The following SPATA2 variants were observed in gnomAD, a reference collection of about 807,000 sequenced individuals.
The protein encoded by SPATA2 is spermatogenesis-associated protein 2.
In SPATA2, 8 loss-of-function variants were observed where a neutral mutation model predicts 35.4. The observed-to-expected ratio is 0.23, with a 90% CI of 0.13 to 0.41. The LOEUF (loss-of-function observed/expected upper bound fraction) is 0.41. Among genes scored for constraint, SPATA2 ranks in the 10% least tolerant of loss-of-function variants. SPATA2 has a pLI of 1.00. For missense variants in SPATA2, 650 were observed against 698.7 expected (o/e 0.93, Z 0.79); for synonymous variants, 293 against 300.9 (o/e 0.97, Z 0.27).
chr20:49,910,577 TGA>T (rs2090177356), intron 1 of SPATA2, among the ~76,000 whole-genome samples: 1 of 152,130 alleles, frequency 6.6e-6, no homozygotes. Context: ...TCATGTCTGC[TGA>T]GTGTGGGAGA....
chr20:49,914,620 TCA>T (rs1568910375), intron 1 of SPATA2, among the ~76,000 whole-genome samples: 3 of 152,000 alleles, frequency 2.0e-5, no homozygotes, highest in East Asian at 1.9e-4. Flanking sequence ...CCAAAGAAAT[TCA>T]CACAGAGTCC....
At position 49,906,727 on chromosome 20, in the gene SPATA2, T is replaced by A; in HGVS notation, c.455A>T (p.Glu152Val). 8.1e-6 allele frequency: 13 copies of A among 1,614,204 alleles called. No individual in the cohort carries two copies. Among genetic ancestry groups the A allele is most frequent in the Non-Finnish European group, 1.1e-5 (13 of 1,180,036 alleles). The change falls in exon 3 of 3, where the codon GAG becomes GTG. Residue 152 changes from glutamate to valine, a missense_variant. Transcript: ENST00000289431. This position sits in a 1 kb window ranked among gnomAD's most constrained non-coding sequence, Gnocchi z 8.2. ...PELGTAYKLR[E>V]LVETLQVKMV... ...CTTCACCTGGAGGGTCTCCACGAGC[T>A]CTCTGAGCTTGTATGCAGTGCCCAG...
At chr20:49,908,101 C>A in intron 2 of SPATA2, 54 bp downstream of exon 2, 1 of 1,519,320 alleles carries the variant, frequency 6.6e-7, no homozygotes, top group Non-Finnish European at 8.9e-7. Context: ...GAGGGACTGC[C>A]AGGGGCAGGA....
In SPATA2 at chr20:49,905,902, GC is replaced by G; in HGVS notation, c.1279del (p.Ala427HisfsTer81). On this transcript the variant is annotated frameshift_variant, in exon 3 of 3. Transcript: ENST00000289431. LOFTEE classifies it high-confidence loss of function. Reference sequence around the variant, plus strand: ...GCCTGGGTACTTCTCCCGCAGAGATGCCCCGTGGGCCAGGCTGTCATGAGTC... The same window carrying G: ...GCCTGGGTACTTCTCCCGCAGAGATGCCCGTGGGCCAGGCTGTCATGAGTC... ...ASTHDSLAHG[A>X]SLREKYPGQT... The G allele has an allele frequency of 6.2e-7, 1 of 1,612,524 alleles. No homozygotes were observed.
intron 1 of SPATA2, among the ~76,000 whole-genome samples, chr20:49,915,086 C>T (rs1357740742): frequency 6.6e-6 from 1 of 152,200 alleles, no homozygotes; most frequent in African/African-American, 2.4e-5. Context: ...TGCCTCGTGG[C>T]GAAATCGGGG....
In SPATA2 at chr20:49,908,382, C is replaced by T. The variant is rs772519165; in HGVS notation, c.109G>A (p.Gly37Ser). Residue 37 changes from glycine to serine, a missense_variant, in exon 2 of 3, where the codon GGC becomes AGC. Transcript: ENST00000289431. ...GCCACCCGCAGGCACTCATCGCTGCCAGGCCGCTGCCTGCTGGTGGTGGTA... is the reference window on the plus strand; with the variant it reads ...GCCACCCGCAGGCACTCATCGCTGCTAGGCCGCTGCCTGCTGGTGGTGGTA... ...VDTTTSRQRP[G>S]SDECLRVAAS... 1.2e-6 allele frequency: 2 copies of T among 1,614,094 alleles called. No individual in the cohort carries two copies. The highest frequency in any genetic ancestry group is 2.7e-5 in the African/African-American group (2 of 74,940).
chr20:49,913,028 G>A (rs2268325), intron 1 of SPATA2, among the ~76,000 whole-genome samples: 5,609 of 151,970 alleles, frequency 0.037, 146 homozygotes, highest in East Asian at 0.092. Flanking sequence ...GGGATCCACT[G>A]AGCCCAGGAG....
intron 1 of SPATA2, among the ~76,000 whole-genome samples, chr20:49,915,086 C>A (rs1357740742): frequency 6.6e-6 from 1 of 152,200 alleles, no homozygotes; most frequent in Non-Finnish European, 1.5e-5. Context: ...TGCCTCGTGG[C>A]GAAATCGGGG....
chr20:49,909,474 C>T (rs1024208080), intron 1 of SPATA2, among the ~76,000 whole-genome samples: 4 of 147,822 alleles, frequency 2.7e-5, no homozygotes, highest in East Asian at 2.3e-4. Context: ...GGGAGGCTGA[C>T]GGGGGAGGAT....
intron 1 of SPATA2, among the ~76,000 whole-genome samples, chr20:49,915,061 C>T (rs1204344213): frequency 6.6e-6 from 1 of 152,220 alleles, no homozygotes; most frequent in Non-Finnish European, 1.5e-5. Context: ...GAACTGGGAA[C>T]CCCTGCGCGG....
At position 49,903,899 on chromosome 20, in the gene SPATA2, ATAG is replaced by A. The variant is rs2090122054; in HGVS notation, c.*1717_*1719del. On this transcript the variant is annotated 3_prime_UTR_variant, in exon 3 of 3. Coordinates refer to ENST00000289431, the MANE Select transcript of SPATA2 (RefSeq NM_006038.4). ...TGTACATCTACATGTGATCTACCAG[ATAG>A]ATATATATATATATATATATATATA... 1 of 65,646 alleles carries A rather than the reference ATAG, an allele frequency of 1.5e-5. No homozygotes were observed. Among genetic ancestry groups the A allele is most frequent in the Admixed American group, 1.8e-4 (1 of 5,502 alleles). The allele number at this position is 65,646 out of a possible 1,614,324, so 4.1% of individuals were successfully genotyped here. A position where few individuals can be genotyped will look rare whatever the true frequency, so the allele number is the denominator to read the frequency against.
In SPATA2 at chr20:49,905,192, G is replaced by A. The variant is rs936145692; in HGVS notation, c.*427C>T. On this transcript the variant is annotated 3_prime_UTR_variant, in exon 3 of 3. Transcript: ENST00000289431. Reference sequence around the variant, plus strand: ...CAAGCCAACAGGCCTCTAGCTCGCCGCTCCAGGTGGATGTTTGGTGACCTG... The same window carrying A: ...CAAGCCAACAGGCCTCTAGCTCGCCACTCCAGGTGGATGTTTGGTGACCTG... 3 of 164,192 alleles carry A rather than the reference G, an allele frequency of 1.8e-5. No individual in the cohort carries two copies. The highest frequency in any genetic ancestry group is 4.0e-5 in the Non-Finnish European group (3 of 75,034). The allele number at this position is 164,192 out of a possible 1,614,324, so 10.2% of individuals were successfully genotyped here. A position where few individuals can be genotyped will look rare whatever the true frequency, so the allele number is the denominator to read the frequency against.
rs369517904 is a variant in SPATA2, at chr20:49,905,580, G to C, written c.*39C>G. On this transcript the variant is annotated 3_prime_UTR_variant, in exon 3 of 3. Transcript: ENST00000289431. ...CTTCACCGTGAAACCCGAAAGGTCGGTTGATGTAGCCCTTGGAGCTGGAAG... is the reference window on the plus strand; with the variant it reads ...CTTCACCGTGAAACCCGAAAGGTCGCTTGATGTAGCCCTTGGAGCTGGAAG... The C allele has an allele frequency of 1.2e-6, 2 of 1,602,174 alleles. No homozygotes were observed. Among genetic ancestry groups the C allele is most frequent in the East Asian group, 2.2e-5 (1 of 44,650 alleles).
In SPATA2 at chr20:49,906,802, A is replaced by G; in HGVS notation, c.380T>C (p.Leu127Pro). The G allele has an allele frequency of 6.2e-7, 1 of 1,613,204 alleles. No individual in the cohort carries two copies. Among genetic ancestry groups the G allele is most frequent in the Non-Finnish European group, 8.5e-7 (1 of 1,179,214 alleles). The change falls in exon 3 of 3, where the codon CTG becomes CCG. Residue 127 changes from leucine (L) to proline (P), a missense_variant. Transcript: ENST00000289431. The surrounding 1 kb of genome is among the most constrained non-coding windows in gnomAD (Gnocchi z 8.2). ...CAGGATGGCTCGGATGTCCTCTTCC[A>G]GTAATGTCGACTTGACATAATAAAC... ...PFVYYVKSTL[L>P]EEDIRAILSC...
At chr20:49,912,702 G>A (rs1221094410) in intron 1 of SPATA2, among the ~76,000 whole-genome samples, 22 of 152,066 alleles carry the variant, frequency 1.4e-4, no homozygotes. Flanking sequence ...AGCGTCTGCT[G>A]CTCTATAATC....
chr20:49,914,416 C>G (rs892287752), intron 1 of SPATA2, among the ~76,000 whole-genome samples: 1 of 152,068 alleles, frequency 6.6e-6, no homozygotes, highest in Non-Finnish European at 1.5e-5. Flanking sequence ...TGTGCACTGC[C>G]CCTGTCCACA....
At chr20:49,914,203 G>T (rs918078722) in intron 1 of SPATA2, among the ~76,000 whole-genome samples, 7 of 152,104 alleles carry the variant, frequency 4.6e-5, no homozygotes, top group African/African-American at 1.7e-4. Context: ...GCACAGTCAG[G>T]GAGCCAGTGG....
chr20:49,908,781 C>T (rs949465976), intron 1 of SPATA2, among the ~76,000 whole-genome samples, 189 bp from the exon 2 acceptor site: 1 of 152,186 alleles, frequency 6.6e-6, no homozygotes, highest in Non-Finnish European at 1.5e-5. Flanking sequence ...CTTTGTTGTG[C>T]TCACAAATGA....
rs2090145655 is a variant in SPATA2, at chr20:49,906,496, G to A, written c.686C>T (p.Ala229Val). Residue 229 changes from alanine (A) to valine (V), a missense_variant, in exon 3 of 3, where the codon GCA (alanine) becomes GTA (valine). By Grantham distance (64) the Ala-to-Val change is moderately conservative. Transcript: ENST00000289431. This position sits in a 1 kb window ranked among gnomAD's most constrained non-coding sequence, Gnocchi z 8.2. ...EHLTASMSRV[A>V]LQKSASERAA... ...CCGCTCGCTGGCCGACTTCTGGAGT[G>A]CCACTCGTGACATGGAGGCCGTCAG... 6.2e-7 allele frequency: 1 copy of A among 1,611,502 alleles called. No individual in the cohort carries two copies. Among genetic ancestry groups the A allele is most frequent in the Non-Finnish European group, 8.5e-7 (1 of 1,179,888 alleles).
Sources: gnomAD v4.1 joint callset for allele counts (sites outside exome capture counted in the v4.1 genomes callset) on GRCh38, gnomAD v4.1.1 for gene constraint, Gnocchi (gnomAD v3.1) non-coding constraint, MANE v1.5 for transcripts, NCBI Gene and HGNC (gene_info 2026-07-23, HGNC 2026-07-21) for gene names.